The following LRRC73 variants were observed in gnomAD, a reference collection of about 807,000 sequenced individuals.
LRRC73 encodes leucine rich repeat containing 73.
In LRRC73, 16 loss-of-function variants were observed where a neutral mutation model predicts 26.4. The observed-to-expected ratio is 0.61, with a 90% CI of 0.41 to 0.92. LRRC73 has a LOEUF of 0.92. LRRC73 is among the 40% of genes least tolerant of loss of function. LRRC73 has a pLI of 0.00. For synonymous variants in LRRC73, 210 were observed against 179.8 expected (o/e 1.17, Z -1.34); for missense variants, 344 against 416.3 (o/e 0.83, Z 1.51).
At chr6:43,509,490 C>G (rs375467411) in intron 1 of LRRC73, 24 bp downstream of exon 1, 48 of 1,588,392 alleles carry the variant, frequency 3.0e-5, no homozygotes, top group Non-Finnish European at 3.9e-5. Flanking sequence ...TGCCCGGGAC[C>G]CCCTTGCGAG....
exon 5 of LRRC73, chr6:43,507,532 G>C (rs145858984): frequency 6.2e-7 from 1 of 1,613,310 alleles, no homozygotes; most frequent in Non-Finnish European, 8.5e-7. Flanking sequence ...CCTGGGTGTC[G>C]CCAGCCCCTC....
chr6:43,509,824 G>C lies in LRRC73; in HGVS notation c.-39C>G, dbSNP rs1317502207. 6 of 1,440,114 alleles carry C rather than the reference G, an allele frequency of 4.2e-6. No homozygotes were observed. The African/African-American group carries it at 7.4e-5, about 18-fold the overall frequency. The allele number at this position is 1,440,114 out of a possible 1,614,324, so 89.2% of individuals were successfully genotyped here. A position where few individuals can be genotyped will look rare whatever the true frequency, so the allele number is the denominator to read the frequency against. Reference sequence around the variant, plus strand: ...GGGCCTCCGGGTACGGGGCCGGAACGGAGGTTGGTGGGGCCGCGGGCGGGG... The same window carrying C: ...GGGCCTCCGGGTACGGGGCCGGAACCGAGGTTGGTGGGGCCGCGGGCGGGG... On this transcript the variant is annotated 5_prime_UTR_variant, in exon 1 of 6. Transcript: ENST00000372441.
intron 2 of LRRC73, 95 bp from the exon 3 acceptor site, chr6:43,508,515 G>T: frequency 6.4e-7 from 1 of 1,564,588 alleles, no homozygotes. Context: ...TGTCCCTAGT[G>T]GCTGGGCACC....
chr6:43,507,799 C>T, intron 4 of LRRC73, 27 bp downstream of exon 4: 1 of 1,609,466 alleles, frequency 6.2e-7, no homozygotes, highest in Non-Finnish European at 8.5e-7. Flanking sequence ...CATCCCCTGG[C>T]CGTGCCCAAA....
chr6:43,509,491 C>G, intron 1 of LRRC73, 23 bp downstream of exon 1: 1 of 1,589,622 alleles, frequency 6.3e-7, no homozygotes, highest in Non-Finnish European at 8.6e-7. Flanking sequence ...GCCCGGGACC[C>G]CCTTGCGAGG....
intron 2 of LRRC73, 105 bp downstream of exon 2, chr6:43,508,655 T>A: frequency 6.8e-7 from 1 of 1,472,858 alleles, no homozygotes. Context: ...TAGAAAGATG[T>A]TCTCGCCCAC....
intron 3 of LRRC73, 144 bp from the exon 4 acceptor site, chr6:43,508,070 G>GT: frequency 7.2e-6 from 7 of 973,878 alleles, no homozygotes; most frequent in Non-Finnish European, 9.1e-6. Flanking sequence ...AGGGATCATT[G>GT]TGATTGGTGA....
chr6:43,509,987 G>T (rs1792615394), exon 1 of LRRC73: 1 of 366,986 alleles, frequency 2.7e-6, no homozygotes, highest in East Asian at 4.7e-5. Flanking sequence ...CCGGGACTGA[G>T]CCGGAGCCGG....
At chr6:43,508,209 T>C in intron 3 of LRRC73, 89 bp downstream of exon 3, 2 of 1,504,444 alleles carry the variant, frequency 1.3e-6, no homozygotes, top group South Asian at 2.7e-5. Context: ...CCTCTCCCAG[T>C]GTACGGGTTA....
chr6:43,508,457 G>GTT, intron 2 of LRRC73, 37 bp from the exon 3 acceptor site: 1 of 1,612,244 alleles, frequency 6.2e-7, no homozygotes, highest in South Asian at 1.1e-5. Context: ...GAATAGGGAG[G>GTT]GTTAAGCCCT....
intron 3 of LRRC73, 121 bp downstream of exon 3, chr6:43,508,177 C>A: frequency 2.1e-6 from 3 of 1,405,264 alleles, no homozygotes; most frequent in East Asian, 2.5e-5. Flanking sequence ...TCCTTGACCC[C>A]TGGGGGCTCC....
At chr6:43,508,026 C>G in intron 3 of LRRC73, 100 bp from the exon 4 acceptor site, 3 of 1,129,788 alleles carry the variant, frequency 2.7e-6, no homozygotes, top group Non-Finnish European at 3.8e-6. Flanking sequence ...TAATCCCTGG[C>G]CAAGGAAACA....
chr6:43,509,570 G>C (rs765422105), exon 1 of LRRC73: 6 of 1,609,650 alleles, frequency 3.7e-6, no homozygotes, highest in Non-Finnish European at 5.1e-6. Context: ...GCTTGATGCG[G>C]CTGGGGCTGG....
At chr6:43,508,180 G>GGGGCTCCCGTTTCTCTTC in intron 3 of LRRC73, 118 bp downstream of exon 3, 1 of 1,408,936 alleles carries the variant, frequency 7.1e-7, no homozygotes, top group Non-Finnish European at 9.5e-7. Flanking sequence ...TTGACCCCTG[G>GGGGCTCCCGTTTCTCTTC]GGGCTCCCGT....
exon 1 of LRRC73, chr6:43,509,949 A>AGGCTGCGGCGGG (rs1792614622): frequency 4.2e-6 from 2 of 480,788 alleles, no homozygotes; most frequent in African/African-American, 2.1e-5. Context: ...GCTGCGGCGG[A>AGGCTGCGGCGGG]GGCTGCGGCG....
chr6:43,507,628 C>T (rs1582165774), exon 5 of LRRC73: 1 of 1,614,156 alleles, frequency 6.2e-7, no homozygotes, highest in Non-Finnish European at 8.5e-7. Context: ...TCTCAGCCAA[C>T]ACCAGGCTCC....
chr6:43,507,589 C>G (rs747683540), exon 5 of LRRC73: 1 of 1,614,120 alleles, frequency 6.2e-7, no homozygotes, highest in South Asian at 1.1e-5. Flanking sequence ...GGTCACAGAT[C>G]TGTTGCTGCA....
rs746777662 is a variant in LRRC73 at position 43,509,482 on chromosome 6, C to A, written c.272+32G>T. On this transcript the variant is annotated intron_variant, in intron 1 of 5. Transcript: ENST00000372441. ...GGGGAGTGTATGGAAGGGTGCAGTG[C>A]CCGGGACCCCCTTGCGAGGGGGCGC... 10 of 1,582,654 alleles carry A rather than the reference C, an allele frequency of 6.3e-6. No homozygotes were observed. In the East Asian group the frequency reaches 2.3e-4, roughly 36 times the overall value.
At chr6:43,509,868 T>TCGGGGCCCCGGCAGGGGTCGCGGG (rs1792610817) in exon 1 of LRRC73, 5 of 1,258,302 alleles carry the variant, frequency 4.0e-6, no homozygotes, top group Non-Finnish European at 5.1e-6. Flanking sequence ...AGGGCCGGGG[T>TCGGGGCCCCGGCAGGGGTCGCGGG]CGGGGCCCCG....
Sources: allele counts gnomAD v4.1 joint callset, GRCh38; gene constraint gnomAD v4.1.1; transcripts MANE v1.5; gene names NCBI Gene and HGNC (gene_info 2026-07-23, HGNC 2026-07-21).